ADCY2: variants seen among roughly 807,000 people sequenced by gnomAD.
ADCY2 encodes the protein adenylate cyclase type 2.
Under a neutral mutation model 125.2 loss-of-function variants are expected in ADCY2, and 31 were observed. The observed-to-expected ratio is 0.25, with a 90% CI of 0.19 to 0.33. The LOEUF (loss-of-function observed/expected upper bound fraction) is 0.33, where lower values mean the gene tolerates loss of function less well. ADCY2 is among the 10% of genes least tolerant of loss of function. The pLI, the probability that ADCY2 is intolerant of heterozygous loss-of-function variation, is 1.00. For synonymous variants in ADCY2, 512 were observed against 548.4 expected, an observed-to-expected ratio of 0.93 and a Z score of 0.93; for missense variants, 904 against 1,418.2, an observed-to-expected ratio of 0.64 and a Z score of 5.82.
intron 3 of ADCY2, among the ~76,000 whole-genome samples, chr5:7,536,385 C>A (rs1359762234): frequency 1.3e-5 from 2 of 152,154 alleles, no homozygotes; most frequent in Admixed American, 6.5e-5. Flanking sequence ...CAGCCAAGAA[C>A]AAGAGGCGAC....
At chr5:7,483,390 C>T (rs1370786427) in intron 2 of ADCY2, among the ~76,000 whole-genome samples, 5 of 151,312 alleles carry the variant, frequency 3.3e-5, no homozygotes, top group African/African-American at 1.2e-4. Flanking sequence ...GCTAGCCTTT[C>T]AGTGATGATT....
chr5:7,714,218 T>C (rs1741527703), intron 11 of ADCY2, among the ~76,000 whole-genome samples: 1 of 152,168 alleles, frequency 6.6e-6, no homozygotes, highest in Admixed American at 6.5e-5. Flanking sequence ...CTCTGGCCAA[T>C]AAGATGCTGA....
At chr5:7,680,237 TG>T (rs1363993875) in intron 4 of ADCY2, among the ~76,000 whole-genome samples, 1 of 152,062 alleles carries the variant, frequency 6.6e-6, no homozygotes, top group African/African-American at 2.4e-5. Flanking sequence ...TGACCTCTGG[TG>T]GGTAAAGGGT....
chr5:7,442,636 T>C (rs1579447493), intron 2 of ADCY2, among the ~76,000 whole-genome samples: 1 of 152,302 alleles, frequency 6.6e-6, no homozygotes, highest in African/African-American at 2.4e-5. Flanking sequence ...GTTTCATCTC[T>C]CACTCACCCT....
At chr5:7,717,914 C>T (rs1421986960) in intron 12 of ADCY2, among the ~76,000 whole-genome samples, 1 of 152,168 alleles carries the variant, frequency 6.6e-6, no homozygotes, top group East Asian at 1.9e-4. Flanking sequence ...TGGTGCACGT[C>T]AGACATTCCA....
intron 2 of ADCY2, among the ~76,000 whole-genome samples, chr5:7,507,374 G>A (rs1743868896): frequency 7.6e-6 from 1 of 131,442 alleles, no homozygotes; most frequent in African/African-American, 3.0e-5. Context: ...CCGGGAGGCG[G>A]AGCTTGCAGT....
chr5:7,753,041 G>A (rs2126450454), intron 15 of ADCY2, among the ~76,000 whole-genome samples: 1 of 152,032 alleles, frequency 6.6e-6, no homozygotes, highest in Middle Eastern at 3.4e-3. Flanking sequence ...TGGGATTACA[G>A]GCACCCGCCA....
intron 2 of ADCY2, among the ~76,000 whole-genome samples, chr5:7,497,508 C>T (rs765729717): frequency 3.9e-5 from 6 of 151,982 alleles, no homozygotes; most frequent in Admixed American, 2.0e-4. Flanking sequence ...CTAGTTGAGG[C>T]GGCCTCATAA....
chr5:7,731,271 G>A (rs78312964), intron 14 of ADCY2, among the ~76,000 whole-genome samples: 5 of 84,488 alleles, frequency 5.9e-5, no homozygotes, highest in Non-Finnish European at 9.7e-5. Context: ...TTTTTTTTTT[G>A]ATGGAGTCTT....
Position 7,455,114 on chromosome 5 carries a change from C to T in ADCY2, c.408+40344C>T, listed in dbSNP as rs567494740. Among the ~76,000 whole-genome samples the T allele has an allele frequency of 6.6e-5, 10 of 152,246 alleles. No individual in the cohort carries two copies. In the East Asian group the frequency reaches 1.9e-3, roughly 29 times the overall value. Reference sequence around the variant, plus strand: ...ATTGGGTTTTCTTCTTTTCTCGCTGCACAAACTTAGCATACTGCCATCTTT... The same window carrying T: ...ATTGGGTTTTCTTCTTTTCTCGCTGTACAAACTTAGCATACTGCCATCTTT... On this transcript the variant is annotated intron_variant, in intron 2 of 24. Transcript: ENST00000338316.
intron 3 of ADCY2, among the ~76,000 whole-genome samples, chr5:7,595,817 G>GTAAT (rs1448763518): frequency 1.3e-5 from 2 of 152,094 alleles, no homozygotes; most frequent in African/African-American, 4.8e-5. Flanking sequence ...CAATGTAAAT[G>GTAAT]CCATGTAAAT....
intron 3 of ADCY2, among the ~76,000 whole-genome samples, chr5:7,593,766 C>T (rs577824784): frequency 1.3e-5 from 2 of 151,894 alleles, no homozygotes; most frequent in Non-Finnish European, 2.9e-5. Flanking sequence ...TCTCATGACA[C>T]ATTCTAATTG....
chr5:7,666,514 C>T (rs368402165), intron 4 of ADCY2, among the ~76,000 whole-genome samples: 7 of 152,148 alleles, frequency 4.6e-5, no homozygotes, highest in Admixed American at 6.5e-5. Flanking sequence ...ATGATCCGAC[C>T]GCCTCGGCCT....
intron 4 of ADCY2, among the ~76,000 whole-genome samples, chr5:7,689,308 T>A (rs1740628862): frequency 6.6e-6 from 1 of 152,112 alleles, no homozygotes; most frequent in African/African-American, 2.4e-5. Context: ...GAGCAGTCTC[T>A]GCAGCCTTCT....
intron 4 of ADCY2, among the ~76,000 whole-genome samples, chr5:7,630,067 A>G (rs1228217356): frequency 6.6e-6 from 1 of 152,176 alleles, no homozygotes; most frequent in African/African-American, 2.4e-5. Flanking sequence ...CCTTTTAGTA[A>G]AAAATACTAG....
intron 4 of ADCY2, among the ~76,000 whole-genome samples, chr5:7,678,434 T>G (rs1283474720): frequency 6.6e-6 from 1 of 152,176 alleles, no homozygotes; most frequent in Non-Finnish European, 1.5e-5. Context: ...TTGGAAAGAA[T>G]TAAAGTACTC....
intron 17 of ADCY2, among the ~76,000 whole-genome samples, chr5:7,768,416 A>G (rs1743459320): frequency 6.6e-6 from 1 of 152,182 alleles, no homozygotes; most frequent in South Asian, 2.1e-4. Context: ...TAGCATCCAT[A>G]TGATCCATAG....
At chr5:7,626,820 C>A (rs1259833201) in intron 4 of ADCY2, among the ~76,000 whole-genome samples, 1 of 152,082 alleles carries the variant, frequency 6.6e-6, no homozygotes, top group African/African-American at 2.4e-5. Flanking sequence ...CCAGGCCTCA[C>A]CTCCAACACT....
intron 22 of ADCY2, among the ~76,000 whole-genome samples, chr5:7,811,977 A>G (rs148704719): frequency 5.2e-4 from 79 of 152,310 alleles, no homozygotes; most frequent in African/African-American, 1.9e-3. Flanking sequence ...GTGACTGCTC[A>G]CAGAGTTTTA....
Sources: allele counts gnomAD v4.1 joint callset (sites outside exome capture counted in the v4.1 genomes callset), GRCh38; gene constraint gnomAD v4.1.1; transcripts MANE v1.5; gene names NCBI Gene and HGNC (gene_info 2026-07-23, HGNC 2026-07-21).